TMEM163: variants seen among roughly 807,000 people sequenced by gnomAD.
TMEM163 encodes transmembrane protein 163.
A neutral mutation model predicts 29.3 loss-of-function variants in TMEM163; 17 were observed. The observed-to-expected ratio is 0.58, with a 90% CI of 0.40 to 0.87. TMEM163 has a LOEUF of 0.87. Ranked by LOEUF, TMEM163 falls within the 40% of genes least tolerant of loss-of-function variation. TMEM163 has a pLI of 0.00. For missense variants in TMEM163, 303 were observed against 381.5 expected (o/e 0.79, Z 1.71); for synonymous variants, 157 against 160.6 (o/e 0.98, Z 0.17).
intron 2 of TMEM163, among the ~76,000 whole-genome samples, chr2:134,554,020 C>T (rs937102561): frequency 1.3e-5 from 2 of 152,210 alleles, no homozygotes; most frequent in Admixed American, 6.5e-5. Flanking sequence ...CCCTTTACAA[C>T]CTGTTTTTAG....
intron 2 of TMEM163, among the ~76,000 whole-genome samples, chr2:134,587,813 CA>C (rs1172012251): frequency 6.6e-6 from 1 of 152,184 alleles, no homozygotes; most frequent in Non-Finnish European, 1.5e-5. Flanking sequence ...GGTATTCAAA[CA>C]AATAACAAGA....
chr2:134,606,381 T>C (rs948139012), intron 2 of TMEM163, among the ~76,000 whole-genome samples: 1 of 151,844 alleles, frequency 6.6e-6, no homozygotes, highest in Non-Finnish European at 1.5e-5. Flanking sequence ...GAAAATGCCA[T>C]GTTCCTCCCT....
In TMEM163 at chr2:134,655,794, G is replaced by A. The variant is rs1253935780; in HGVS notation, c.322+57406C>T. Among the ~76,000 whole-genome samples the A allele has an allele frequency of 8.5e-5, 12 of 141,848 alleles. 2 individuals are homozygous for A. The highest frequency in any genetic ancestry group is 4.5e-5 in the Non-Finnish European group (3 of 66,940). 93.1% of individuals were successfully genotyped at this position (141,848 alleles called of 152,430 possible). ...CAGGACCCTCAGCTGCAGGTCTGTT[G>A]GAATACCCTGCCGTGTGAGGTGTCA... On this transcript the variant is annotated intron_variant, in intron 2 of 7. Coordinates refer to ENST00000281924, the MANE Select transcript of TMEM163 (RefSeq NM_030923.5).
At chr2:134,570,058 G>A (rs1036889012) in intron 2 of TMEM163, among the ~76,000 whole-genome samples, 23 of 152,054 alleles carry the variant, frequency 1.5e-4, no homozygotes, top group African/African-American at 5.1e-4. Context: ...CTTCATAGTG[G>A]CCCCAAAGGC....
chr2:134,578,117 A>C (rs1681607804), intron 2 of TMEM163, among the ~76,000 whole-genome samples: 1 of 152,222 alleles, frequency 6.6e-6, no homozygotes, highest in African/African-American at 2.4e-5. Context: ...ATTTTTGATA[A>C]TACAGTTATA....
chr2:134,551,170 C>T (rs1680911034), intron 3 of TMEM163, among the ~76,000 whole-genome samples: 1 of 152,016 alleles, frequency 6.6e-6, no homozygotes, highest in African/African-American at 2.4e-5. Flanking sequence ...CATGAATGCA[C>T]AAGCAAGCTA....
At chr2:134,626,330 C>T (rs989114886) in intron 2 of TMEM163, among the ~76,000 whole-genome samples, 1 of 152,050 alleles carries the variant, frequency 6.6e-6, no homozygotes, top group Non-Finnish European at 1.5e-5. Flanking sequence ...GTCTCGAACT[C>T]CTGACCTCAT....
chr2:134,555,563 C>A (rs970053565), intron 2 of TMEM163, among the ~76,000 whole-genome samples: 32 of 152,332 alleles, frequency 2.1e-4, no homozygotes, highest in African/African-American at 7.5e-4. Flanking sequence ...CACAAAGAGA[C>A]GGGCGACCAG....
intron 2 of TMEM163, among the ~76,000 whole-genome samples, chr2:134,573,201 G>A (rs1681473591): frequency 6.6e-6 from 1 of 152,166 alleles, no homozygotes; most frequent in South Asian, 2.1e-4. Flanking sequence ...GAACACAGAA[G>A]AGCAGTCATT....
intron 2 of TMEM163, among the ~76,000 whole-genome samples, chr2:134,555,076 G>C (rs1681020023): frequency 6.6e-6 from 1 of 152,158 alleles, no homozygotes; most frequent in Non-Finnish European, 1.5e-5. Context: ...CCCAACTCTT[G>C]CTACTAAATA....
chr2:134,504,534 A>G (rs574905368), intron 4 of TMEM163, among the ~76,000 whole-genome samples: 1 of 152,196 alleles, frequency 6.6e-6, no homozygotes, highest in East Asian at 1.9e-4. Context: ...TGACAAGGAC[A>G]CAACCTGGGA....
intron 2 of TMEM163, among the ~76,000 whole-genome samples, chr2:134,556,616 T>C (rs938434774): frequency 2.6e-5 from 4 of 152,076 alleles, no homozygotes; most frequent in Non-Finnish European, 5.9e-5. Flanking sequence ...GGCCAGGAGT[T>C]TGAGACCAGA....
chr2:134,541,347 C>T (rs1368140400), intron 4 of TMEM163, among the ~76,000 whole-genome samples: 1 of 152,188 alleles, frequency 6.6e-6, no homozygotes, highest in Non-Finnish European at 1.5e-5. Context: ...TTAGTGCTGG[C>T]AAAGGAGAAT....
chr2:134,525,731 C>T (rs1194246519), intron 4 of TMEM163, among the ~76,000 whole-genome samples: 1 of 152,206 alleles, frequency 6.6e-6, no homozygotes, highest in Non-Finnish European at 1.5e-5. Context: ...CTGTCTAACA[C>T]TCCCAAGACC....
intron 2 of TMEM163, among the ~76,000 whole-genome samples, chr2:134,614,867 C>A (rs72970149): frequency 1.5e-4 from 22 of 148,760 alleles, no homozygotes; most frequent in South Asian, 2.1e-4. Context: ...AAAAAAAAAA[C>A]AAAACACATT....
At chr2:134,560,998 A>C (rs1681160376) in intron 2 of TMEM163, among the ~76,000 whole-genome samples, 2 of 152,184 alleles carry the variant, frequency 1.3e-5, no homozygotes, top group African/African-American at 4.8e-5. Flanking sequence ...TCAACACCAC[A>C]GCACACTTTC....
chr2:134,657,270 G>C (rs1008261415), intron 2 of TMEM163, among the ~76,000 whole-genome samples: 2 of 152,122 alleles, frequency 1.3e-5, no homozygotes, highest in African/African-American at 4.8e-5. Context: ...TTCAATTTCA[G>C]AACTCAATAT....
At chr2:134,701,412 T>G (rs1684701732) in intron 2 of TMEM163, among the ~76,000 whole-genome samples, 1 of 152,138 alleles carries the variant, frequency 6.6e-6, no homozygotes, top group African/African-American at 2.4e-5. Flanking sequence ...AAGAGAAGAC[T>G]GGCAATAGGG....
In TMEM163 at chr2:134,460,079, C is replaced by CCA. The variant is rs374991363; in HGVS notation, c.668-1907_668-1906insTG. Among the ~76,000 whole-genome samples, 3,335 of 109,590 alleles carry CCA rather than the reference C, an allele frequency of 0.03. 136 individuals carry two copies. Among genetic ancestry groups the CCA allele is most frequent in the African/African-American group, 0.13 (3,133 of 24,666 alleles). The allele number at this position is 109,590 out of a possible 152,430, so 71.9% of individuals were successfully genotyped here. On this transcript the variant is annotated intron_variant, in intron 6 of 7. Coordinates refer to ENST00000281924, the MANE Select transcript of TMEM163 (RefSeq NM_030923.5). The surrounding 1 kb of genome is among the most constrained non-coding windows in gnomAD (Gnocchi z 4.3). ...TCGAGCCCCTTGCCAGATGTTACCC[C>CCA]CCCCCAAATTCATTCTCACTCTCCC... is the stretch of plus-strand genomic sequence containing the variant.
Sources: gnomAD v4.1 joint callset for allele counts (sites outside exome capture counted in the v4.1 genomes callset) on GRCh38, gnomAD v4.1.1 for gene constraint, Gnocchi (gnomAD v3.1) non-coding constraint, MANE v1.5 for transcripts, NCBI Gene and HGNC (gene_info 2026-07-23, HGNC 2026-07-21) for gene names.